The following CHD5 variants were observed in gnomAD, a reference collection of about 807,000 sequenced individuals.
CHD5 encodes ATP-dependent chromatin remodeler CHD5.
In CHD5, 69 loss-of-function variants were observed where a neutral mutation model predicts 230.3. The ratio of observed to expected loss-of-function variants is 0.30; its 90% CI spans 0.25 to 0.37. The LOEUF (loss-of-function observed/expected upper bound fraction) is 0.37. Among genes scored for constraint, CHD5 ranks in the 10% least tolerant of loss-of-function variants. CHD5 has a pLI of 1.00. For missense variants in CHD5, 1,827 were observed against 2,622.8 expected, an observed-to-expected ratio of 0.70 and a Z score of 6.63; for synonymous variants, 1,064 against 1,065.9, an observed-to-expected ratio of 1.00 and a Z score of 0.03.
intron 15 of CHD5, among the ~76,000 whole-genome samples, chr1:6,140,497 G>C (rs2100855565): frequency 6.6e-6 from 1 of 152,252 alleles, no homozygotes; most frequent in Middle Eastern, 3.4e-3. Flanking sequence ...AGACCTTGCA[G>C]GGTTCACAGC....
intron 1 of CHD5, among the ~76,000 whole-genome samples, chr1:6,169,903 G>A (rs556838996): frequency 6.6e-6 from 1 of 152,216 alleles, no homozygotes; most frequent in Non-Finnish European, 1.5e-5. Context: ...GACACCCCAG[G>A]CCTGACCTTC....
At chr1:6,136,683 CCT>C in intron 16 of CHD5, 43 bp downstream of exon 16, 1 of 1,611,746 alleles carries the variant, frequency 6.2e-7, no homozygotes, top group Non-Finnish European at 8.5e-7. Context: ...CTGGGCGGCC[CCT>C]CGCCCCGGGA....
Position 6,126,912 on chromosome 1 carries a change from G to A in CHD5, c.3904-166C>T, listed in dbSNP as rs1346149092. Reference sequence around the variant, plus strand: ...TCTCTGATCACCCCGGCCCTAGCTAGCTTTTCTCTCCCTGCCCCTATCCAG... The same window carrying A: ...TCTCTGATCACCCCGGCCCTAGCTAACTTTTCTCTCCCTGCCCCTATCCAG... On this transcript the variant is annotated intron_variant, in intron 25 of 41. Transcript: ENST00000262450. The surrounding 1 kb of genome is among the most constrained non-coding windows in gnomAD (Gnocchi z 5.7). Among the ~76,000 whole-genome samples the A allele has an allele frequency of 6.6e-6, 1 of 152,178 alleles. No individual in the cohort carries two copies. Among genetic ancestry groups the A allele is most frequent in the Non-Finnish European group, 1.5e-5 (1 of 68,038 alleles).
chr1:6,145,733 C>T (rs533778343), intron 11 of CHD5, among the ~76,000 whole-genome samples: 6 of 152,316 alleles, frequency 3.9e-5, no homozygotes, highest in South Asian at 2.1e-4. Flanking sequence ...AGCTCCACCC[C>T]GTGGCTGTGT....
chr1:6,140,787 CCCAGAAGTACAAGA>C (rs1234448190), intron 15 of CHD5, among the ~76,000 whole-genome samples: 2 of 151,894 alleles, frequency 1.3e-5, no homozygotes, highest in African/African-American at 4.8e-5. Context: ...ATCACTTGAG[CCCAGAAGTACAAGA>C]CCAGCCTGAG....
At chr1:6,173,174 G>A (rs1236633663) in intron 1 of CHD5, among the ~76,000 whole-genome samples, 8 of 150,990 alleles carry the variant, frequency 5.3e-5, no homozygotes, top group South Asian at 2.1e-4. Context: ...GCGCGATCTC[G>A]GCTCACTGCA....
intron 3 of CHD5, among the ~76,000 whole-genome samples, chr1:6,158,305 G>A (rs1667110845): frequency 6.6e-6 from 1 of 152,234 alleles, no homozygotes; most frequent in Admixed American, 6.5e-5. Flanking sequence ...TAGCCGCTCT[G>A]CCCCACGTGC....
chr1:6,175,412 G>A (rs374227153), intron 1 of CHD5, among the ~76,000 whole-genome samples: 1 of 149,390 alleles, frequency 6.7e-6, no homozygotes, highest in East Asian at 2.0e-4. Context: ...GTGGATAGAT[G>A]AATGGATGGA....
intron 33 of CHD5, among the ~76,000 whole-genome samples, chr1:6,120,502 A>T (rs77691521): frequency 0.14 from 15,992 of 111,508 alleles, 1,455 homozygotes; most frequent in East Asian, 0.42. Context: ...ACTAAAAATT[A>T]AAAAAAAAAA....
chr1:6,119,724 T>C (rs546539919), intron 33 of CHD5, among the ~76,000 whole-genome samples: 1 of 151,804 alleles, frequency 6.6e-6, no homozygotes, highest in African/African-American at 2.4e-5. Context: ...TGTGTATATA[T>C]ACGTACATAT....
Position 6,121,542 on chromosome 1 carries a change from A to G in CHD5, c.4731T>C (p.Asp1577=). ...DKMEAQLGYM[D]EKDPGAQKPR... is the part of the protein sequence containing the mutation. ...GCTTCTGTGCCCCGGGGTCTTTCTC[A>G]TCCATGTAGCCCAGCTGGGCTTCCA... Residue 1577 remains aspartate (D), a synonymous_variant, in exon 32 of 42, where the codon GAT becomes GAC. Transcript: ENST00000262450. The surrounding 1 kb of genome is among the most constrained non-coding windows in gnomAD (Gnocchi z 4.5). 3 of 1,613,090 alleles carry G rather than the reference A, an allele frequency of 1.9e-6. No individual in the cohort carries two copies. Among genetic ancestry groups the G allele is most frequent in the Non-Finnish European group, 2.5e-6 (3 of 1,179,590 alleles).
chr1:6,136,911 C>T (rs940434677), intron 15 of CHD5, 46 bp from the exon 16 acceptor site: 29 of 1,553,922 alleles, frequency 1.9e-5, no homozygotes, highest in Non-Finnish European at 2.2e-5. Flanking sequence ...GGGAGCAGAG[C>T]GGATCACAGT....
rs777340365 is a variant in CHD5, at chr1:6,110,509, C to T, written c.5267G>A (p.Trp1756Ter). The T allele has an allele frequency of 6.2e-7, 1 of 1,613,708 alleles. No individual in the cohort carries two copies. Among genetic ancestry groups the T allele is most frequent in the East Asian group, 2.2e-5 (1 of 44,852 alleles). The change falls in exon 37 of 42, where the codon TGG (tryptophan) becomes TAG (stop). Residue 1756 changes from tryptophan (W) to a stop codon, truncating the protein, a stop_gained. Coordinates refer to ENST00000262450, the MANE Select transcript of CHD5 (RefSeq NM_015557.3). LOFTEE classifies it high-confidence loss of function. ...CCGTGGGTCATTCTGGATGTCCTGC[C>T]AGCGGGCGTAGCCGTGCCTGGGTGG... ...AGIVTHGYAR[W>*]QDIQNDPRYM...
chr1:6,144,661 G>C (rs1244548423), intron 11 of CHD5, among the ~76,000 whole-genome samples: 1 of 152,238 alleles, frequency 6.6e-6, no homozygotes, highest in Non-Finnish European at 1.5e-5. Context: ...CAAAGACCCA[G>C]TGACCAAGCC....
chr1:6,125,620 G>C lies in CHD5; in HGVS notation c.4172-8C>G, dbSNP rs1347443521. 6.2e-7 allele frequency: 1 copy of C among 1,612,106 alleles called. No homozygotes were observed. Among genetic ancestry groups the C allele is most frequent in the Admixed American group, 1.7e-5 (1 of 59,514 alleles). Reference sequence around the variant, plus strand: ...GGGATTGTCGTCGTCCACCTGGGGAGCAGCCCGCCACAGTTCCTCAGGTGG... The same window carrying C: ...GGGATTGTCGTCGTCCACCTGGGGACCAGCCCGCCACAGTTCCTCAGGTGG... On this transcript the variant is annotated splice_polypyrimidine_tract_variant and splice_region_variant and intron_variant, in intron 27 of 41. Transcript: ENST00000262450. This position sits in a 1 kb window ranked among gnomAD's most constrained non-coding sequence, Gnocchi z 6.7.
intron 1 of CHD5, among the ~76,000 whole-genome samples, chr1:6,172,378 G>A (rs950325058): frequency 5.2e-4 from 79 of 152,120 alleles, no homozygotes; most frequent in African/African-American, 1.9e-3. Flanking sequence ...TGGCTGGAGT[G>A]CAGTGTTATG....
chr1:6,178,989 G>T (rs1431406668), intron 1 of CHD5, among the ~76,000 whole-genome samples: 1 of 152,176 alleles, frequency 6.6e-6, no homozygotes, highest in Non-Finnish European at 1.5e-5. Flanking sequence ...AGAAGTAAGA[G>T]TCTCCCAGAA....
At chr1:6,173,422 T>C (rs1297377709) in intron 1 of CHD5, among the ~76,000 whole-genome samples, 1 of 151,584 alleles carries the variant, frequency 6.6e-6, no homozygotes, top group Non-Finnish European at 1.5e-5. Context: ...CTATTTCTGT[T>C]CCCCACCTGG....
intron 3 of CHD5, among the ~76,000 whole-genome samples, chr1:6,157,288 C>T (rs1667094423): frequency 6.6e-6 from 1 of 152,226 alleles, no homozygotes; most frequent in South Asian, 2.1e-4. Context: ...ACATGGGAGG[C>T]CTGCTCTCCC....
Sources: gnomAD v4.1 joint callset for allele counts (sites outside exome capture counted in the v4.1 genomes callset) on GRCh38, gnomAD v4.1.1 for gene constraint, Gnocchi (gnomAD v3.1) non-coding constraint, MANE v1.5 for transcripts, NCBI Gene and HGNC (gene_info 2026-07-23, HGNC 2026-07-21) for gene names.